BTBD1: variants seen among roughly 807,000 people sequenced by gnomAD.
BTBD1 encodes BTB/POZ domain-containing protein 1.
A neutral mutation model predicts 48.0 loss-of-function variants in BTBD1; 34 were observed. The observed-to-expected ratio is 0.71, with a 90% CI of 0.54 to 0.94. The LOEUF (loss-of-function observed/expected upper bound fraction) is 0.94, where lower values mean the gene tolerates loss of function less well. BTBD1 is among the 40% of genes least tolerant of loss of function. BTBD1 has a pLI of 0.00. For missense variants in BTBD1, 543 were observed against 625.6 expected, an observed-to-expected ratio of 0.87 and a Z score of 1.41; for synonymous variants, 261 against 242.1, an observed-to-expected ratio of 1.08 and a Z score of -0.72.
intron 4 of BTBD1, among the ~76,000 whole-genome samples, chr15:83,032,042 A>C (rs2032527716): frequency 6.6e-6 from 1 of 152,146 alleles, no homozygotes; most frequent in African/African-American, 2.4e-5. Context: ...ACTAAAAAGG[A>C]CTGGGGGTGG....
At chr15:83,065,395 G>T (rs2033247523) in intron 1 of BTBD1, among the ~76,000 whole-genome samples, 1 of 152,110 alleles carries the variant, frequency 6.6e-6, no homozygotes, top group Non-Finnish European at 1.5e-5. Context: ...TTAATTAGTT[G>T]TATTTTTTCT....
At position 83,050,809 on chromosome 15, in the gene BTBD1, C is replaced by T. The variant is rs140146291; in HGVS notation, c.559-631G>A. Among the ~76,000 whole-genome samples the T allele has an allele frequency of 9.1e-4, 138 of 152,126 alleles. 3 individuals are homozygous for T. Among genetic ancestry groups the T allele is most frequent in the Middle Eastern group, 3.4e-3 (1 of 294 alleles). The stretch of plus-strand genomic sequence containing the variant: ...CACAAGAACAAATACATAAAATTCA[C>T]ATGACGGAATATTATACAACAATGA... On this transcript the variant is annotated intron_variant, in intron 2 of 7. Coordinates refer to ENST00000261721, the MANE Select transcript of BTBD1 (RefSeq NM_025238.4).
chr15:83,066,626 C>A, intron 1 of BTBD1, 125 bp downstream of exon 1: 1 of 1,053,766 alleles, frequency 9.5e-7, no homozygotes, highest in Non-Finnish European at 1.2e-6. Flanking sequence ...AACTGAGGCC[C>A]CGGGCGGGTC....
At chr15:83,060,154 G>C (rs1224638559) in intron 1 of BTBD1, among the ~76,000 whole-genome samples, 1 of 151,974 alleles carries the variant, frequency 6.6e-6, no homozygotes, top group Non-Finnish European at 1.5e-5. Context: ...AGGTTTCTAT[G>C]TAACGTCAAA....
intron 5 of BTBD1, 66 bp from the exon 6 acceptor site, chr15:83,020,828 ATTT>A: frequency 9.6e-7 from 1 of 1,042,486 alleles, no homozygotes; most frequent in Non-Finnish European, 1.4e-6. Context: ...AAGGGTTATA[ATTT>A]TTTTTAAGTG....
At chr15:83,034,349 G>T (rs182033641) in intron 4 of BTBD1, among the ~76,000 whole-genome samples, 8 of 152,272 alleles carry the variant, frequency 5.3e-5, no homozygotes, top group Admixed American at 5.2e-4. Context: ...TAGGCCAGGC[G>T]TGGTGGCTCA....
intron 1 of BTBD1, 99 bp from the exon 2 acceptor site, chr15:83,056,644 AT>A: frequency 9.3e-7 from 1 of 1,071,896 alleles, no homozygotes; most frequent in Non-Finnish European, 1.3e-6. Context: ...TTATATTTTT[AT>A]TTTATGTTTT....
chr15:83,051,877 TACACAC>T (rs113253261), intron 2 of BTBD1, among the ~76,000 whole-genome samples: 1 of 138,814 alleles, frequency 7.2e-6, no homozygotes, highest in Non-Finnish European at 1.5e-5. Flanking sequence ...TCCATATATA[TACACAC>T]ACACACACAC....
At chr15:83,029,898 G>A (rs1365107709) in intron 5 of BTBD1, 2 of 514,278 alleles carry the variant, frequency 3.9e-6, no homozygotes, top group Non-Finnish European at 6.8e-6. Flanking sequence ...GTAACAGAAG[G>A]TCCAACCCAA....
intron 4 of BTBD1, among the ~76,000 whole-genome samples, chr15:83,031,743 G>A (rs1029261155): frequency 5.3e-5 from 8 of 151,782 alleles, no homozygotes; most frequent in South Asian, 2.1e-4. Flanking sequence ...AAACCTGCAC[G>A]TTGTGCACAT....
intron 1 of BTBD1, among the ~76,000 whole-genome samples, chr15:83,064,747 C>T (rs913641419): frequency 3.9e-5 from 6 of 152,062 alleles, no homozygotes; most frequent in African/African-American, 1.2e-4. Flanking sequence ...ATAATGCAGA[C>T]GGCCCACAGA....
intron 3 of BTBD1, among the ~76,000 whole-genome samples, chr15:83,046,440 T>C (rs1444730990): frequency 1.3e-5 from 2 of 152,166 alleles, no homozygotes; most frequent in South Asian, 4.1e-4. Context: ...TCATAAATAT[T>C]AACACAATAC....
chr15:83,041,871 A>C lies in BTBD1; in HGVS notation c.719T>G (p.Leu240Arg). 6.2e-7 allele frequency: 1 copy of C among 1,614,218 alleles called. No homozygotes were observed. The highest frequency in any genetic ancestry group is 8.5e-7 in the Non-Finnish European group (1 of 1,180,042). ...RDTLSIRESR[L>R]FGAVVRWAEA... ...TGCCCAGCGTACAACAGCTCCAAAA[A>C]GTCGACTTTCTCGAATACTGAGTGT... The change falls in exon 4 of 8, where the codon CTT becomes CGT. Residue 240 changes from leucine to arginine, a missense_variant. Leu to Arg is a moderately radical substitution (Grantham distance 102, BLOSUM62 -2). Coordinates refer to ENST00000261721, the MANE Select transcript of BTBD1 (RefSeq NM_025238.4).
chr15:83,042,394 G>A (rs1344807528), intron 3 of BTBD1, among the ~76,000 whole-genome samples: 1 of 86,468 alleles, frequency 1.2e-5, no homozygotes, highest in African/African-American at 5.0e-5. Context: ...ATATATTTTG[G>A]ATATAGAGTC....
chr15:83,022,875 C>T (rs1005046156), intron 5 of BTBD1, among the ~76,000 whole-genome samples: 8 of 151,398 alleles, frequency 5.3e-5, no homozygotes, highest in South Asian at 2.1e-4. Flanking sequence ...GCAGGAGAAT[C>T]GCTTGAACCT....
intron 5 of BTBD1, among the ~76,000 whole-genome samples, chr15:83,023,799 A>G (rs1286885448): frequency 1.3e-5 from 2 of 152,138 alleles, no homozygotes; most frequent in Admixed American, 6.5e-5. Context: ...ACTCTTATCA[A>G]CCAGGAATAT....
intron 1 of BTBD1, among the ~76,000 whole-genome samples, chr15:83,057,808 A>G (rs2033113268): frequency 6.6e-6 from 1 of 152,248 alleles, no homozygotes. Context: ...CTCCGTCTCC[A>G]ACTTCACTAT....
Position 83,018,051 on chromosome 15 carries a change from G to GT in BTBD1, c.*15dup. 1 of 1,561,034 alleles carries GT rather than the reference G, an allele frequency of 6.4e-7. No homozygotes were observed. Among genetic ancestry groups the GT allele is most frequent in the Non-Finnish European group, 8.8e-7 (1 of 1,141,638 alleles). ...TTGTATGGTATTATTTAGCCAAGAT[G>GT]TATTATAATGCTAAATTATGTATAA... On this transcript the variant is annotated 3_prime_UTR_variant, in exon 8 of 8. Transcript: ENST00000261721.
chr15:83,060,195 A>G (rs2033154311), intron 1 of BTBD1, among the ~76,000 whole-genome samples: 1 of 152,186 alleles, frequency 6.6e-6, no homozygotes, highest in Admixed American at 6.5e-5. Context: ...TAATAAAAAA[A>G]GTTACTTAAA....
Sources: allele counts gnomAD v4.1 joint callset (sites outside exome capture counted in the v4.1 genomes callset), GRCh38; gene constraint gnomAD v4.1.1; transcripts MANE v1.5; gene names NCBI Gene and HGNC (gene_info 2026-07-23, HGNC 2026-07-21).